Variants in PLEKHA7 observed in about 807,000 individuals in gnomAD.
PLEKHA7 encodes the protein pleckstrin homology domain-containing family A member 7.
Under a neutral mutation model 170.0 loss-of-function variants are expected in PLEKHA7, and 104 were observed. That is an observed-to-expected ratio of 0.61 (90% confidence interval 0.52 to 0.72). The LOEUF (loss-of-function observed/expected upper bound fraction) is 0.72. PLEKHA7 is among the 30% of genes least tolerant of loss of function. The pLI is 0.00. For missense variants in PLEKHA7, 1,615 were observed against 1,671.7 expected (o/e 0.97, Z 0.59); for synonymous variants, 648 against 660.8 (o/e 0.98, Z 0.30).
At chr11:16,999,036 C>T (rs191663361) in intron 3 of PLEKHA7, among the ~76,000 whole-genome samples, 53 of 152,168 alleles carry the variant, frequency 3.5e-4, no homozygotes, top group African/African-American at 1.2e-3. Context: ...TCAAATCAAC[C>T]AACACACACC....
At chr11:16,967,353 C>T (rs1862435503) in intron 3 of PLEKHA7, among the ~76,000 whole-genome samples, 1 of 152,248 alleles carries the variant, frequency 6.6e-6, no homozygotes, top group Non-Finnish European at 1.5e-5. Context: ...CTCCCTACCA[C>T]TCAGTCAACA....
chr11:16,848,683 T>A (rs1852670924), intron 8 of PLEKHA7, among the ~76,000 whole-genome samples: 1 of 152,206 alleles, frequency 6.6e-6, no homozygotes, highest in African/African-American at 2.4e-5. Context: ...ATCTATGGTT[T>A]CTACTGGTGA....
rs146022065 is a variant in PLEKHA7, at chr11:16,894,788, G to A, written c.222-23606C>T. The stretch of plus-strand genomic sequence containing the variant: ...CTGCAGATATCCAAAACTGGGGGCA[G>A]GGGAGGGGAGTAGATAAAGAACCAC... On this transcript the variant is annotated intron_variant, in intron 3 of 26. Coordinates refer to ENST00000531066, the MANE Select transcript of PLEKHA7 (RefSeq NM_001329630.2). 7.7e-3 allele frequency among the ~76,000 whole-genome samples: 1,173 copies of A among 152,278 alleles called. 17 individuals are homozygous for A. The highest frequency in any genetic ancestry group is 0.026 in the African/African-American group (1,079 of 41,544).
At chr11:16,900,052 T>G (rs915605768) in intron 3 of PLEKHA7, among the ~76,000 whole-genome samples, 3 of 152,184 alleles carry the variant, frequency 2.0e-5, no homozygotes, top group African/African-American at 7.2e-5. Context: ...GGAGGGTGCC[T>G]AAACCTTACT....
intron 4 of PLEKHA7, among the ~76,000 whole-genome samples, chr11:16,860,189 T>C (rs1853825173): frequency 6.6e-6 from 1 of 152,224 alleles, no homozygotes; most frequent in Admixed American, 6.5e-5. Context: ...CAAGGATGTG[T>C]GAAGTGAGCC....
chr11:16,907,591 G>A (rs1321121689), intron 3 of PLEKHA7, among the ~76,000 whole-genome samples: 1,850 of 122,058 alleles, frequency 0.015, 54 homozygotes, highest in African/African-American at 0.053. Context: ...CCGGCCAGCC[G>A]CCCCGTCCGG....
chr11:16,826,845 A>C (rs1850696276), intron 9 of PLEKHA7, among the ~76,000 whole-genome samples: 1 of 152,164 alleles, frequency 6.6e-6, no homozygotes. Flanking sequence ...CCACTGTCAC[A>C]CTAATCGCAC....
chr11:17,008,768 C>T (rs1244413252), intron 3 of PLEKHA7, among the ~76,000 whole-genome samples: 5 of 152,144 alleles, frequency 3.3e-5, no homozygotes, highest in Non-Finnish European at 7.3e-5. Context: ...CTCCTCATTG[C>T]CTCATGACCT....
intron 3 of PLEKHA7, among the ~76,000 whole-genome samples, chr11:16,916,080 T>A (rs901731828): frequency 6.6e-6 from 1 of 151,884 alleles, no homozygotes; most frequent in Non-Finnish European, 1.5e-5. Context: ...TGGTATCTCA[T>A]TGTGGTTTTG....
At chr11:16,839,345 G>A (rs1402495743) in intron 9 of PLEKHA7, among the ~76,000 whole-genome samples, 1 of 151,412 alleles carries the variant, frequency 6.6e-6, no homozygotes, top group East Asian at 1.9e-4. Context: ...ACCTTGGGAA[G>A]GTGATTTGGG....
chr11:16,902,183 C>G (rs1857385367), intron 3 of PLEKHA7, among the ~76,000 whole-genome samples: 1 of 152,196 alleles, frequency 6.6e-6, no homozygotes, highest in Admixed American at 6.5e-5. Context: ...GTACTTCATT[C>G]CTTCCTATGG....
intron 3 of PLEKHA7, among the ~76,000 whole-genome samples, chr11:16,925,390 G>C (rs1304044404): frequency 6.6e-6 from 1 of 152,140 alleles, no homozygotes; most frequent in Non-Finnish European, 1.5e-5. Context: ...CCTCGCTCAT[G>C]GCTGGCCGGG....
chr11:16,840,008 G>T (rs949668259), intron 9 of PLEKHA7, among the ~76,000 whole-genome samples: 1 of 152,090 alleles, frequency 6.6e-6, no homozygotes, highest in African/African-American at 2.4e-5. Context: ...ACACTGTGAG[G>T]TAAGCCCCGC....
chr11:16,897,658 T>A (rs1172393717), intron 3 of PLEKHA7, among the ~76,000 whole-genome samples: 1 of 152,204 alleles, frequency 6.6e-6, no homozygotes, highest in Non-Finnish European at 1.5e-5. Flanking sequence ...CGTGAAAGGC[T>A]GGTAGTTCCT....
intron 19 of PLEKHA7, among the ~76,000 whole-genome samples, chr11:16,792,050 A>G (rs778839548): frequency 5.3e-5 from 8 of 152,200 alleles, no homozygotes; most frequent in South Asian, 2.1e-4. Flanking sequence ...AAGCTCTTGG[A>G]AAGTTCAGGA....
Position 16,855,862 on chromosome 11 carries a change from C to A in PLEKHA7, c.358G>T (p.Val120Phe), listed in dbSNP as rs1321295849. The A allele has an allele frequency of 5.0e-6, 8 of 1,614,070 alleles. No homozygotes were observed. The African/African-American group carries it at 1.1e-4, about 22-fold the overall frequency. ...GTCCCAGCCGTGGATGTTTCACTGA[C>A]CATGCTGGACGGTCTTTGGTTTCTG... ...QDRNQRPSSM[V>F]SETSTAGTAS... The change falls in exon 5 of 27, where the codon GTC (valine) becomes TTC (phenylalanine). Residue 120 changes from valine to phenylalanine, a missense_variant. Val to Phe is a conservative substitution (Grantham distance 50, BLOSUM62 -1). Transcript: ENST00000531066.
At chr11:16,896,600 C>A (rs1287702858) in intron 3 of PLEKHA7, among the ~76,000 whole-genome samples, 4 of 152,160 alleles carry the variant, frequency 2.6e-5, no homozygotes, top group Non-Finnish European at 5.9e-5. Flanking sequence ...CCTATCTCTG[C>A]ACCCACCCAC....
chr11:16,859,080 T>G lies in PLEKHA7; in HGVS notation c.306-3166A>C, dbSNP rs147192042. ...ATGTGACTAAAGTTCAAACTATATA[T>G]GCCCCAGGGAAGGGACTGTGTTGTC... On this transcript the variant is annotated intron_variant, in intron 4 of 26. Coordinates refer to ENST00000531066, the MANE Select transcript of PLEKHA7 (RefSeq NM_001329630.2). Among the ~76,000 whole-genome samples, 122 of 152,330 alleles carry G rather than the reference T, an allele frequency of 8.0e-4. 1 individual carries two copies. Among genetic ancestry groups the G allele is most frequent in the African/African-American group, 2.8e-3 (118 of 41,586 alleles).
intron 3 of PLEKHA7, among the ~76,000 whole-genome samples, chr11:16,996,070 A>C (rs1864321675): frequency 1.3e-5 from 2 of 152,346 alleles, no homozygotes; most frequent in South Asian, 4.1e-4. Flanking sequence ...AAGACAAAAT[A>C]TCTGCTGTTC....
Sources: gnomAD v4.1 joint callset for allele counts (sites outside exome capture counted in the v4.1 genomes callset) on GRCh38, gnomAD v4.1.1 for gene constraint, MANE v1.5 for transcripts, NCBI Gene and HGNC (gene_info 2026-07-23, HGNC 2026-07-21) for gene names.